The following TSPAN15 variants were observed in gnomAD, a reference collection of about 807,000 sequenced individuals.
The protein encoded by TSPAN15 is tetraspanin 15.
In TSPAN15, 20 loss-of-function variants were observed where a neutral mutation model predicts 34.5. That is an observed-to-expected ratio of 0.58 (90% CI 0.41 to 0.84). TSPAN15 has a LOEUF of 0.84. Among genes scored for constraint, TSPAN15 ranks in the 40% least tolerant of loss-of-function variants. TSPAN15 has a pLI of 0.00. For missense variants in TSPAN15, 313 were observed against 386.1 expected (o/e 0.81, Z 1.59); for synonymous variants, 155 against 153.9 (o/e 1.01, Z -0.05).
At chr10:69,546,492 A>T in the TSPAN15 span, among the ~76,000 whole-genome samples, 1 of 152,216 alleles carries the variant, frequency 6.6e-6, no homozygotes, top group Admixed American at 6.5e-5. Flanking sequence ...AAAACACAAG[A>T]GGCCATCAAC....
the TSPAN15 span, among the ~76,000 whole-genome samples, chr10:69,546,735 A>G: frequency 6.6e-6 from 1 of 152,136 alleles, no homozygotes; most frequent in Non-Finnish European, 1.5e-5. Flanking sequence ...CTAAGTCTCC[A>G]TCATCTCATA....
In TSPAN15 at chr10:69,505,472, A is replaced by G. The variant is rs111962772; in HGVS notation, c.619-652A>G. ...TTTTAAAAACGGTGAACAATTCTTG[A>G]TAAAGTTCTGAATTAAATAATGTGT... is the stretch of plus-strand genomic sequence containing the variant. On this transcript the variant is annotated intron_variant, in intron 6 of 7. Coordinates refer to ENST00000373290, the MANE Select transcript of TSPAN15 (RefSeq NM_012339.5). Among the ~76,000 whole-genome samples, 513 of 152,314 alleles carry G rather than the reference A, an allele frequency of 3.4e-3. 4 individuals are homozygous for G. Among genetic ancestry groups the G allele is most frequent in the African/African-American group, 0.011 (475 of 41,572 alleles).
intron 1 of TSPAN15, among the ~76,000 whole-genome samples, chr10:69,467,817 T>C (rs1289738036): frequency 6.6e-6 from 1 of 152,088 alleles, no homozygotes; most frequent in Admixed American, 6.6e-5. Context: ...CTAAAACATC[T>C]CTCATAGTGT....
chr10:69,489,041 G>A (rs995132931), intron 3 of TSPAN15, among the ~76,000 whole-genome samples: 1 of 152,122 alleles, frequency 6.6e-6, no homozygotes, highest in African/African-American at 2.4e-5. Flanking sequence ...GGAGACCAGG[G>A]TGTATTTCAG....
intron 1 of TSPAN15, among the ~76,000 whole-genome samples, chr10:69,482,615 C>T (rs1212458758): frequency 6.6e-6 from 1 of 152,166 alleles, no homozygotes; most frequent in Non-Finnish European, 1.5e-5. Flanking sequence ...TGTAGTGTTT[C>T]CACATTCATT....
At chr10:69,493,461 G>T (rs1842010161) in intron 3 of TSPAN15, among the ~76,000 whole-genome samples, 1 of 146,620 alleles carries the variant, frequency 6.8e-6, no homozygotes, top group Non-Finnish European at 1.5e-5. Context: ...GTTTCTCCGA[G>T]CCCATCTCCT....
the TSPAN15 span, among the ~76,000 whole-genome samples, chr10:69,516,210 A>C: frequency 6.6e-6 from 1 of 152,234 alleles, no homozygotes; most frequent in Non-Finnish European, 1.5e-5. Context: ...TCATCACAGC[A>C]AAAAGGCAGG....
At position 69,484,467 on chromosome 10, in the gene TSPAN15, G is replaced by T. The variant is rs7918484; in HGVS notation, c.282+591G>T. Among the ~76,000 whole-genome samples the T allele has an allele frequency of 6.2e-3, 946 of 152,346 alleles. 13 individuals are homozygous for T. Among genetic ancestry groups the T allele is most frequent in the African/African-American group, 0.021 (870 of 41,586 alleles). The stretch of plus-strand genomic sequence containing the variant: ...TCAATCCTACCTGTATCCCATTATT[G>T]TGGGGTGAGGGATGACTCCCTAAAG... On this transcript the variant is annotated intron_variant, in intron 2 of 7. Transcript: ENST00000373290.
chr10:69,532,081 G>T, the TSPAN15 span, among the ~76,000 whole-genome samples: 2 of 152,174 alleles, frequency 1.3e-5, no homozygotes, highest in African/African-American at 4.8e-5. Flanking sequence ...TGGATGGGCA[G>T]AATTAATATT....
At chr10:69,494,767 T>C in intron 3 of TSPAN15, 4 of 985,334 alleles carry the variant, frequency 4.1e-6, no homozygotes, top group Non-Finnish European at 4.8e-6. Flanking sequence ...GCCCCCTTCG[T>C]CCCCAGTCTC....
chr10:69,497,346 T>A (rs1258325266), intron 4 of TSPAN15, among the ~76,000 whole-genome samples: 1 of 152,234 alleles, frequency 6.6e-6, no homozygotes, highest in Non-Finnish European at 1.5e-5. Flanking sequence ...TGGTCCAGCC[T>A]GTGCCGCCCT....
chr10:69,492,604 C>T (rs949360193), intron 3 of TSPAN15, among the ~76,000 whole-genome samples: 1 of 152,214 alleles, frequency 6.6e-6, no homozygotes, highest in Non-Finnish European at 1.5e-5. Context: ...TTTTTCCAGG[C>T]CCCTCTCGAA....
intron 5 of TSPAN15, among the ~76,000 whole-genome samples, chr10:69,499,729 A>G (rs1172571463): frequency 6.6e-6 from 1 of 152,228 alleles, no homozygotes; most frequent in South Asian, 2.1e-4. Flanking sequence ...AAAGTAGGGC[A>G]TGGAGGATTG....
chr10:69,476,899 G>A (rs1841625801), intron 1 of TSPAN15, among the ~76,000 whole-genome samples: 1 of 152,086 alleles, frequency 6.6e-6, no homozygotes, highest in Non-Finnish European at 1.5e-5. Context: ...GGTGGTCCTG[G>A]AGGTGGGGCC....
chr10:69,537,139 G>A, the TSPAN15 span, among the ~76,000 whole-genome samples: 4 of 152,114 alleles, frequency 2.6e-5, no homozygotes, highest in Non-Finnish European at 5.9e-5. Flanking sequence ...GGGTGGGGTA[G>A]TTGGGAATTC....
In TSPAN15 at chr10:69,485,221, C is replaced by T; in HGVS notation, c.357+6C>T. ...CCTTGACCTTCCGGAACCAGGTGGG[C>T]CTGTGGATTTGTGTATCGGCCATGT... On this transcript the variant is annotated splice_donor_region_variant and intron_variant, in intron 3 of 7. Transcript: ENST00000373290. 1 of 1,613,890 alleles carries T rather than the reference C, an allele frequency of 6.2e-7. No homozygotes were observed. Among genetic ancestry groups the T allele is most frequent in the Non-Finnish European group, 8.5e-7 (1 of 1,179,854 alleles).
At chr10:69,497,848 G>A (rs941811847) in intron 4 of TSPAN15, among the ~76,000 whole-genome samples, 11 of 152,284 alleles carry the variant, frequency 7.2e-5, no homozygotes, top group Non-Finnish European at 1.2e-4. Flanking sequence ...TGAGCTGGAC[G>A]GGGTGGCTCC....
the TSPAN15 span, among the ~76,000 whole-genome samples, chr10:69,518,568 C>T: frequency 2.0e-5 from 3 of 152,116 alleles, no homozygotes; most frequent in African/African-American, 4.8e-5. Context: ...GGACTACAGG[C>T]GCACACCACC....
At chr10:69,527,836 G>A in the TSPAN15 span, among the ~76,000 whole-genome samples, 3 of 147,652 alleles carry the variant, frequency 2.0e-5, no homozygotes, top group Non-Finnish European at 3.0e-5. Flanking sequence ...CTGTGGGTGG[G>A]GATAGGAAAA....
Sources: allele counts gnomAD v4.1 joint callset (sites outside exome capture counted in the v4.1 genomes callset), GRCh38; gene constraint gnomAD v4.1.1; transcripts MANE v1.5; gene names NCBI Gene and HGNC (gene_info 2026-07-23, HGNC 2026-07-21).